The following TRAF5 variants were observed in gnomAD, a reference collection of about 807,000 sequenced individuals.
TRAF5 encodes TNF receptor-associated factor 5.
TRAF5 carries 48 observed loss-of-function variants against 64.5 expected under a neutral mutation model. That is an observed-to-expected ratio of 0.74 (90% CI 0.59 to 0.95). The LOEUF is 0.95. TRAF5 is among the 40% of genes least tolerant of loss of function. TRAF5 has a pLI of 0.00. For synonymous variants in TRAF5, 206 were observed against 240.5 expected (o/e 0.86, Z 1.33); for missense variants, 545 against 662.8 (o/e 0.82, Z 1.95).
intron 1 of TRAF5, among the ~76,000 whole-genome samples, chr1:211,330,908 T>C (rs1284821723): frequency 6.6e-6 from 1 of 152,194 alleles, no homozygotes; most frequent in Non-Finnish European, 1.5e-5. Flanking sequence ...TTCCCAAGAC[T>C]TAAACCAACA....
chr1:211,368,224 G>A (rs908574938), intron 8 of TRAF5, among the ~76,000 whole-genome samples: 1 of 152,152 alleles, frequency 6.6e-6, no homozygotes, highest in East Asian at 1.9e-4. Context: ...GGCAGGTCAC[G>A]TAGGGCCCAG....
At chr1:211,338,791 A>C (rs1191305119) in intron 1 of TRAF5, among the ~76,000 whole-genome samples, 1 of 151,950 alleles carries the variant, frequency 6.6e-6, no homozygotes, top group Non-Finnish European at 1.5e-5. Flanking sequence ...TGCCCAGGTA[A>C]TTTTTATATT....
At chr1:211,364,546 C>T (rs1703285687) in intron 7 of TRAF5, among the ~76,000 whole-genome samples, 1 of 151,960 alleles carries the variant, frequency 6.6e-6, no homozygotes, top group African/African-American at 2.4e-5. Context: ...ATTAGCCAGG[C>T]ATGGTGGCAT....
intron 1 of TRAF5, among the ~76,000 whole-genome samples, chr1:211,340,392 C>T (rs535521881): frequency 1.3e-5 from 2 of 152,304 alleles, no homozygotes; most frequent in South Asian, 2.1e-4. Context: ...TCAAGTGATT[C>T]TCCTGCCTCA....
chr1:211,359,718 AGCCCTCCCCAT>A, intron 4 of TRAF5, 183 bp from the exon 5 acceptor site: 1 of 525,546 alleles, frequency 1.9e-6, no homozygotes, highest in Non-Finnish European at 3.3e-6. Flanking sequence ...TGGTACAAGC[AGCCCTCCCCAT>A]GCCCTCTCCT....
chr1:211,353,164 C>T, intron 1 of TRAF5, 75 bp from the exon 2 acceptor site: 1 of 1,401,922 alleles, frequency 7.1e-7, no homozygotes. Flanking sequence ...AGACAAATAA[C>T]CAAAGCATCT....
At position 211,371,321 on chromosome 1, in the gene TRAF5, AC is replaced by A; in HGVS notation, c.951del (p.Asp317GlufsTer6). On this transcript the variant is annotated frameshift_variant, in exon 10 of 11. Transcript: ENST00000261464. LOFTEE classifies it high-confidence loss of function. ...PNIQVFASHI[D>X]KSAWLEAQVH... Reference sequence around the variant, plus strand: ...TGAAAGGTTTTTGCCAGTCACATTGACAAGTCAGCTTGGCTAGAAGCTCAAG... The same window carrying A: ...TGAAAGGTTTTTGCCAGTCACATTGAAAGTCAGCTTGGCTAGAAGCTCAAG... The A allele has an allele frequency of 6.3e-7, 1 of 1,592,902 alleles. No individual in the cohort carries two copies. Among genetic ancestry groups the A allele is most frequent in the South Asian group, 1.2e-5 (1 of 85,938 alleles).
At chr1:211,354,340 T>G (rs1278685730) in intron 2 of TRAF5, 70 bp from the exon 3 acceptor site, 90 of 1,487,704 alleles carry the variant, frequency 6.0e-5, no homozygotes, top group Non-Finnish European at 8.2e-5. Context: ...GCTGGAGCCC[T>G]GGGGCTGGTC....
At chr1:211,348,747 G>GT (rs1391421246) in intron 1 of TRAF5, among the ~76,000 whole-genome samples, 1 of 152,046 alleles carries the variant, frequency 6.6e-6, no homozygotes, top group Non-Finnish European at 1.5e-5. Context: ...TTGCATCATT[G>GT]TTTTGCCTTT....
chr1:211,341,196 A>G (rs1471461502), intron 1 of TRAF5, among the ~76,000 whole-genome samples: 1 of 152,194 alleles, frequency 6.6e-6, no homozygotes, highest in Non-Finnish European at 1.5e-5. Context: ...GAGCTGAGTC[A>G]AGAACAAAGG....
chr1:211,332,950 A>C (rs1002250708), intron 1 of TRAF5, among the ~76,000 whole-genome samples: 3 of 152,154 alleles, frequency 2.0e-5, no homozygotes, highest in African/African-American at 7.2e-5. Context: ...ATTGCCATGT[A>C]TTAGCTGTGG....
intron 1 of TRAF5, among the ~76,000 whole-genome samples, chr1:211,344,559 A>T (rs1702538376): frequency 6.6e-6 from 1 of 152,086 alleles, no homozygotes; most frequent in African/African-American, 2.4e-5. Flanking sequence ...AAATGGCCTT[A>T]TTGGTTCTCC....
intron 1 of TRAF5, among the ~76,000 whole-genome samples, chr1:211,347,413 C>T (rs1380429543): frequency 6.6e-6 from 1 of 152,160 alleles, no homozygotes; most frequent in South Asian, 2.1e-4. Flanking sequence ...TATACTAGAA[C>T]CTCACCCAGA....
At chr1:211,341,568 G>A (rs1471065402) in intron 1 of TRAF5, among the ~76,000 whole-genome samples, 1 of 152,200 alleles carries the variant, frequency 6.6e-6, no homozygotes, top group Non-Finnish European at 1.5e-5. Flanking sequence ...GCTTCAGAGA[G>A]GCACTGATGG....
At chr1:211,360,627 CAA>C in intron 5 of TRAF5, 73 bp from the exon 6 acceptor site, 1 of 1,210,288 alleles carries the variant, frequency 8.3e-7, no homozygotes, top group Non-Finnish European at 1.2e-6. Flanking sequence ...ATATAATCCC[CAA>C]AGAGACACAG....
At position 211,332,346 on chromosome 1, in the gene TRAF5, G is replaced by T. The variant is rs182015160; in HGVS notation, c.-2+5457G>T. 1.3e-5 allele frequency among the ~76,000 whole-genome samples: 2 copies of T among 152,336 alleles called. 1 individual carries two copies. Among genetic ancestry groups the T allele is most frequent in the Admixed American group, 1.3e-4 (2 of 15,308 alleles). ...CAATGTGAAGGCACAGCAGGATAAG[G>T]TTGACCTGATGCAAAGCCACCACCC... On this transcript the variant is annotated intron_variant, in intron 1 of 10. Coordinates refer to ENST00000261464, the MANE Select transcript of TRAF5 (RefSeq NM_001033910.3).
In TRAF5 at chr1:211,353,376, C is replaced by T; in HGVS notation, c.137C>T (p.Ala46Val). 2 of 1,614,122 alleles carry T rather than the reference C, an allele frequency of 1.2e-6. No individual in the cohort carries two copies. The highest frequency in any genetic ancestry group is 1.1e-5 in the South Asian group (1 of 91,084). The change falls in exon 2 of 11, where the codon GCC becomes GTC. Residue 46 changes from alanine (A) to valine (V), a missense_variant. Physicochemically the swap from Ala to Val is moderately conservative, Grantham distance 64. Transcript: ENST00000261464. ...CGGTTGGAAGAGCGCTACAAATGTG[C>T]CTTCTGCCACTCGGTGCTTCACAAC... Reference protein sequence around the residue: ...VERLEERYKCAFCHSVLHNPH... With the variant: ...VERLEERYKCVFCHSVLHNPH...
chr1:211,354,618 T>C (rs1242463418), intron 3 of TRAF5, 151 bp downstream of exon 3: 3 of 749,558 alleles, frequency 4.0e-6, no homozygotes, highest in Admixed American at 2.7e-5. Flanking sequence ...CAGACCCTAC[T>C]CGTAGCCCTG....
intron 1 of TRAF5, among the ~76,000 whole-genome samples, chr1:211,328,914 T>C (rs1249691283): frequency 6.6e-6 from 1 of 152,166 alleles, no homozygotes; most frequent in Non-Finnish European, 1.5e-5. Context: ...AGGCGGTAAA[T>C]AGCTCCCTGA....
Sources: allele counts gnomAD v4.1 joint callset (sites outside exome capture counted in the v4.1 genomes callset), GRCh38; gene constraint gnomAD v4.1.1; transcripts MANE v1.5; gene names NCBI Gene and HGNC (gene_info 2026-07-23, HGNC 2026-07-21).